Variants in RCOR1 observed in about 807,000 individuals in gnomAD.
The protein encoded by RCOR1 is REST corepressor.
RCOR1 carries 12 observed loss-of-function variants against 64.0 expected under a neutral mutation model. The ratio of observed to expected loss-of-function variants is 0.19; its 90% CI spans 0.12 to 0.30. The LOEUF is 0.30. Ranked by LOEUF, RCOR1 falls within the 10% of genes least tolerant of loss-of-function variation. RCOR1 has a pLI of 1.00. For missense variants in RCOR1, 502 were observed against 621.2 expected (o/e 0.81, Z 2.04); for synonymous variants, 279 against 227.2 (o/e 1.23, Z -2.05).
At chr14:102,696,728 T>C (rs1895657490) in intron 3 of RCOR1, among the ~76,000 whole-genome samples, 1 of 152,168 alleles carries the variant, frequency 6.6e-6, no homozygotes, top group Non-Finnish European at 1.5e-5. Flanking sequence ...GAGCAGTTTT[T>C]TGTAGGTAGC....
chr14:102,667,426 A>G (rs1894936924), intron 2 of RCOR1, among the ~76,000 whole-genome samples: 1 of 152,012 alleles, frequency 6.6e-6, no homozygotes, highest in African/African-American at 2.4e-5. Context: ...GCTTGAACCC[A>G]GGAGATGGAG....
intron 2 of RCOR1, among the ~76,000 whole-genome samples, chr14:102,602,235 A>G (rs981741887): frequency 3.3e-5 from 5 of 152,002 alleles, no homozygotes; most frequent in African/African-American, 9.7e-5. Context: ...TATGCTATTC[A>G]TGTACTTTTA....
At chr14:102,701,439 C>A in intron 4 of RCOR1, 109 bp downstream of exon 4, 1 of 786,396 alleles carries the variant, frequency 1.3e-6, no homozygotes, top group Non-Finnish European at 1.9e-6. Flanking sequence ...TCATTAGCAA[C>A]TTTTTGGTAA....
At chr14:102,676,101 T>G (rs958615625) in intron 2 of RCOR1, among the ~76,000 whole-genome samples, 1 of 150,854 alleles carries the variant, frequency 6.6e-6, no homozygotes, top group East Asian at 2.0e-4. Context: ...AAGTCTCCCA[T>G]GTCTACTTCT....
Position 102,610,748 on chromosome 14 carries a change from G to T in RCOR1, c.361+17423G>T, listed in dbSNP as rs540978784. ...CGGCTAATTTTTTAGTAGAGACGAGGTTTCACCGTATTAGCCAGGATGGTC... is the reference window on the plus strand; with the variant it reads ...CGGCTAATTTTTTAGTAGAGACGAGTTTTCACCGTATTAGCCAGGATGGTC... On this transcript the variant is annotated intron_variant, in intron 2 of 11. Coordinates refer to ENST00000262241, the MANE Select transcript of RCOR1 (RefSeq NM_015156.4). 2.6e-5 allele frequency among the ~76,000 whole-genome samples: 4 copies of T among 152,084 alleles called. No homozygotes were observed. In the South Asian group the frequency reaches 8.3e-4, roughly 32 times the overall value.
chr14:102,690,439 A>G lies in RCOR1; in HGVS notation c.445+8461A>G, dbSNP rs78606754. ...ATGGCAAAACTCCATCTCTACAAAA[A>G]AATTAACCAGTCATGATGGTGCACA... On this transcript the variant is annotated intron_variant, in intron 3 of 11. Coordinates refer to ENST00000262241, the MANE Select transcript of RCOR1 (RefSeq NM_015156.4). Among the ~76,000 whole-genome samples, 1,225 of 152,164 alleles carry G rather than the reference A, an allele frequency of 8.1e-3. 58 individuals carry two copies. The highest frequency in any genetic ancestry group is 0.056 in the Admixed American group (856 of 15,280).
chr14:102,706,073 A>G (rs1895846815), intron 4 of RCOR1, among the ~76,000 whole-genome samples: 1 of 130,060 alleles, frequency 7.7e-6, no homozygotes, highest in African/African-American at 3.0e-5. Context: ...AGATCATGAC[A>G]TTGCTCCTCC....
chr14:102,708,547 G>T lies in RCOR1; in HGVS notation c.743G>T (p.Arg248Leu), dbSNP rs1269325136. ...AGGACTAAAACTAGTGTGATGGATC[G>T]CCATGCCCGGAAACAAAAACGGGAG... The part of the protein sequence containing the change: ...KTRTKTSVMD[R>L]HARKQKRERE... Residue 248 changes from arginine to leucine, a missense_variant, in exon 6 of 12, where the codon CGC becomes CTC. By Grantham distance (102) the Arg-to-Leu change is moderately radical. This residue lies in a region of RCOR1 where 260 missense variants were observed against 416.4 expected (regional missense o/e 0.62). Coordinates refer to ENST00000262241, the MANE Select transcript of RCOR1 (RefSeq NM_015156.4). 2 of 1,611,868 alleles carry T rather than the reference G, an allele frequency of 1.2e-6. No individual in the cohort carries two copies. Among genetic ancestry groups the T allele is most frequent in the East Asian group, 2.2e-5 (1 of 44,826 alleles).
intron 2 of RCOR1, among the ~76,000 whole-genome samples, chr14:102,593,943 T>A (rs1893189547): frequency 6.6e-6 from 1 of 152,242 alleles, no homozygotes; most frequent in Non-Finnish European, 1.5e-5. Flanking sequence ...TAGGACCTAT[T>A]TGTAAATGTG....
At chr14:102,709,765 G>T (rs1895920964) in intron 6 of RCOR1, among the ~76,000 whole-genome samples, 1 of 152,130 alleles carries the variant, frequency 6.6e-6, no homozygotes, top group Admixed American at 6.6e-5. Context: ...CATTTCCCTA[G>T]TTTACTGTCT....
rs1158633936 is a variant in RCOR1, at chr14:102,647,121, C to G, written c.362-34774C>G. 2.6e-5 allele frequency among the ~76,000 whole-genome samples: 4 copies of G among 152,114 alleles called. No homozygotes were observed. In the East Asian group the frequency reaches 5.8e-4, roughly 22 times the overall value. On this transcript the variant is annotated intron_variant, in intron 2 of 11. Transcript: ENST00000262241. ...ACATTGAGCAGACCCACTGAGTGCC[C>G]AGCGCAGGGAATAAAAGAAAAAATA...
chr14:102,699,946 A>C (rs1275246110), intron 3 of RCOR1, among the ~76,000 whole-genome samples: 2 of 152,122 alleles, frequency 1.3e-5, no homozygotes, highest in East Asian at 1.9e-4. Context: ...AGGTTGAGTC[A>C]ATTCATTTTC....
chr14:102,722,436 G>A lies in RCOR1; in HGVS notation c.1419+20G>A, dbSNP rs753780811. On this transcript the variant is annotated intron_variant, in intron 11 of 11. Transcript: ENST00000262241. ...GACGAGGTAAATCTGAAACAAAACAGTCACTTCTCTTGTCAGGTTCACGCT... is the reference window on the plus strand; with the variant it reads ...GACGAGGTAAATCTGAAACAAAACAATCACTTCTCTTGTCAGGTTCACGCT... 5 of 1,582,328 alleles carry A rather than the reference G, an allele frequency of 3.2e-6. No homozygotes were observed. The highest frequency in any genetic ancestry group is 4.3e-6 in the Non-Finnish European group (5 of 1,153,716).
At position 102,726,792 on chromosome 14, in the gene RCOR1, G is replaced by A. The variant is rs1233235925; in HGVS notation, c.*286G>A. 5 of 415,262 alleles carry A rather than the reference G, an allele frequency of 1.2e-5. No individual in the cohort carries two copies. Among genetic ancestry groups the A allele is most frequent in the South Asian group, 7.7e-5 (2 of 26,026 alleles). The allele number at this position is 415,262 out of a possible 1,614,324, so 25.7% of individuals were successfully genotyped here. On this transcript the variant is annotated 3_prime_UTR_variant, in exon 12 of 12. Coordinates refer to ENST00000262241, the MANE Select transcript of RCOR1 (RefSeq NM_015156.4). ...TGTGACTCTGGGAACCGCCTCTCCC[G>A]CCGGAGCCCCCGAGCCCCACCAATG... is the stretch of plus-strand genomic sequence containing the variant.
In RCOR1 at chr14:102,604,880, C is replaced by A. The variant is rs537218431; in HGVS notation, c.361+11555C>A. ...GGTGGATCTCCCAAGGTCAGGAATTCAAGATCAGCCTGGCCAAAATGGTGA... is the reference window on the plus strand; with the variant it reads ...GGTGGATCTCCCAAGGTCAGGAATTAAAGATCAGCCTGGCCAAAATGGTGA... On this transcript the variant is annotated intron_variant, in intron 2 of 11. Coordinates refer to ENST00000262241, the MANE Select transcript of RCOR1 (RefSeq NM_015156.4). 8.6e-5 allele frequency among the ~76,000 whole-genome samples: 13 copies of A among 151,824 alleles called. 1 individual carries two copies. The South Asian group carries it at 2.5e-3, about 29-fold the overall frequency.
At chr14:102,721,276 A>C (rs368478256) in intron 9 of RCOR1, 44 bp from the exon 10 acceptor site, 10 of 1,528,634 alleles carry the variant, frequency 6.5e-6, no homozygotes, top group Non-Finnish European at 9.1e-6. Context: ...GGACATACTC[A>C]TCTCTAAATG....
Position 102,655,988 on chromosome 14 carries a change from C to CACGT in RCOR1, c.362-25907_362-25906insACGT, listed in dbSNP as rs71119730. On this transcript the variant is annotated intron_variant, in intron 2 of 11. Coordinates refer to ENST00000262241, the MANE Select transcript of RCOR1 (RefSeq NM_015156.4). ...ACACACACACACACACACACACACA[C>CACGT]GTGAAATAAACCTATGAACCAACTA... is the stretch of plus-strand genomic sequence containing the variant. 2.3e-5 allele frequency: 22 copies of CACGT among 964,460 alleles called. No individual in the cohort carries two copies. In the African/African-American group the frequency reaches 2.9e-4, roughly 13 times the overall value. 59.7% of individuals were successfully genotyped at this position (964,460 alleles called of 1,614,324 possible). A position where few individuals can be genotyped will look rare whatever the true frequency, so the allele number is the denominator to read the frequency against.
chr14:102,686,736 G>C (rs2139965547), intron 3 of RCOR1, among the ~76,000 whole-genome samples: 1 of 152,294 alleles, frequency 6.6e-6, no homozygotes, highest in South Asian at 2.1e-4. Flanking sequence ...AGGTTCCACT[G>C]TCTCTTTTCA....
At chr14:102,719,123 C>T (rs949538976) in intron 8 of RCOR1, among the ~76,000 whole-genome samples, 7 of 152,046 alleles carry the variant, frequency 4.6e-5, no homozygotes, top group Admixed American at 2.6e-4. Context: ...GGCACTGTCA[C>T]CCAGGCTGAA....
Sources: allele counts gnomAD v4.1 joint callset (sites outside exome capture counted in the v4.1 genomes callset), GRCh38; gene constraint gnomAD v4.1.1; regional missense constraint gnomAD v4.1.1; transcripts MANE v1.5; gene names NCBI Gene and HGNC (gene_info 2026-07-23, HGNC 2026-07-21).